Variants in RANBP2 observed in about 807,000 individuals in gnomAD.
RANBP2 encodes the protein RAN binding protein 2.
In RANBP2, 57 loss-of-function variants were observed where a neutral mutation model predicts 303.6. The observed-to-expected ratio is 0.19, with a 90% CI of 0.15 to 0.23. The LOEUF (loss-of-function observed/expected upper bound fraction) is 0.23, where lower values mean the gene tolerates loss of function less well. Ranked by LOEUF, RANBP2 falls within the 10% of genes least tolerant of loss-of-function variation. The pLI is 1.00. For missense variants in RANBP2, 3,138 were observed against 3,780.8 expected, an observed-to-expected ratio of 0.83 and a Z score of 4.46; for synonymous variants, 1,167 against 1,301.5, an observed-to-expected ratio of 0.90 and a Z score of 2.23.
chr2:109,224,190 G>A, the RANBP2 span, among the ~76,000 whole-genome samples: 9 of 152,204 alleles, frequency 5.9e-5, no homozygotes, highest in Admixed American at 5.9e-4. Flanking sequence ...GCAAATGGAG[G>A]GGGTGTGGGC....
At chr2:109,283,192 G>T in the RANBP2 span, among the ~76,000 whole-genome samples, 1 of 152,192 alleles carries the variant, frequency 6.6e-6, no homozygotes, top group Non-Finnish European at 1.5e-5. Context: ...CCTGGAGCAT[G>T]CCTCTGTTCG....
At chr2:109,224,394 A>G in the RANBP2 span, among the ~76,000 whole-genome samples, 1 of 152,222 alleles carries the variant, frequency 6.6e-6, no homozygotes, top group Non-Finnish European at 1.5e-5. Context: ...CCAAGATTAA[A>G]TCTGCATTTT....
At chr2:108,832,344 CTTTT>C in the RANBP2 span, among the ~76,000 whole-genome samples, 4 of 122,234 alleles carry the variant, frequency 3.3e-5, no homozygotes, top group African/African-American at 1.3e-4. Context: ...GTATTTCTTT[CTTTT>C]TTTTTTTTTT....
At chr2:108,897,418 AAG>A in the RANBP2 span, among the ~76,000 whole-genome samples, 31 of 152,306 alleles carry the variant, frequency 2.0e-4, no homozygotes, top group Admixed American at 1.9e-3. Flanking sequence ...TGCCAGCCAC[AAG>A]AGAGGGCTGT....
the RANBP2 span, among the ~76,000 whole-genome samples, chr2:108,877,499 G>A: frequency 2.0e-5 from 3 of 151,822 alleles, no homozygotes; most frequent in African/African-American, 4.8e-5. Flanking sequence ...AAATAAAAAC[G>A]CAGAAGCCAA....
the RANBP2 span, among the ~76,000 whole-genome samples, chr2:109,041,534 T>TTC: frequency 6.6e-6 from 1 of 151,278 alleles, no homozygotes; most frequent in East Asian, 1.9e-4. Context: ...AATTTTTTTT[T>TTC]TTTTTTGAGA....
chr2:109,449,183 A>C, the RANBP2 span: 1 of 1,613,590 alleles, frequency 6.2e-7, no homozygotes. Flanking sequence ...CCCACTCTGC[A>C]GCCCAGGCTC....
chr2:109,614,074 AC>A, the RANBP2 span: 2 of 1,211,414 alleles, frequency 1.7e-6, no homozygotes, highest in Non-Finnish European at 2.1e-6. Flanking sequence ...CACAGGAGCT[AC>A]CCTCGACGCC....
chr2:109,629,322 TATATATATATATATATATATATATATA>T, the RANBP2 span, among the ~76,000 whole-genome samples: 19 of 5,690 alleles, frequency 3.3e-3, no homozygotes, highest in African/African-American at 0.011. Context: ...TATATATATA[TATATATATATATATATATATATATATA>T]TATATATTTT....
chr2:109,145,772 C>G, the RANBP2 span, among the ~76,000 whole-genome samples: 15 of 152,290 alleles, frequency 9.8e-5, no homozygotes, highest in South Asian at 4.1e-4. Flanking sequence ...AACCCAGGAG[C>G]AGTATTGGTT....
At chr2:108,951,259 A>T in the RANBP2 span, among the ~76,000 whole-genome samples, 1,191 of 152,250 alleles carry the variant, frequency 7.8e-3, 9 homozygotes, top group South Asian at 0.029. Flanking sequence ...TCTGCATTTG[A>T]CCAGGCCAAT....
At chr2:109,175,070 A>G in the RANBP2 span, among the ~76,000 whole-genome samples, 1 of 150,558 alleles carries the variant, frequency 6.6e-6, no homozygotes, top group Non-Finnish European at 1.5e-5. Context: ...CCATATTTAA[A>G]TGATTTTGAG....
At chr2:109,146,287 C>T in the RANBP2 span, among the ~76,000 whole-genome samples, 29 of 152,148 alleles carry the variant, frequency 1.9e-4, no homozygotes, top group Admixed American at 6.5e-4. Flanking sequence ...CAGTAAAGGT[C>T]CCTGAAATGT....
the RANBP2 span, among the ~76,000 whole-genome samples, chr2:109,726,341 C>T: frequency 2.0e-5 from 3 of 151,920 alleles, no homozygotes; most frequent in South Asian, 2.1e-4. Context: ...ACTCTGGAGG[C>T]GGAGGTTGCA....
chr2:109,373,239 G>A, the RANBP2 span, among the ~76,000 whole-genome samples: 1 of 152,202 alleles, frequency 6.6e-6, no homozygotes, highest in African/African-American at 2.4e-5. Flanking sequence ...AGAACTTAAT[G>A]CGCGAATACC....
At chr2:109,119,315 A>G in the RANBP2 span, among the ~76,000 whole-genome samples, 24 of 152,366 alleles carry the variant, frequency 1.6e-4, no homozygotes, top group East Asian at 4.4e-3. Flanking sequence ...TCCGTGAAAC[A>G]GTCCCATTGC....
At chr2:109,687,522 C>G in the RANBP2 span, among the ~76,000 whole-genome samples, 2 of 152,128 alleles carry the variant, frequency 1.3e-5, no homozygotes, top group Admixed American at 6.5e-5. Flanking sequence ...TCTCGCACCA[C>G]AAGTTCAACC....
chr2:109,117,403 T>A, the RANBP2 span, among the ~76,000 whole-genome samples: 1 of 152,202 alleles, frequency 6.6e-6, no homozygotes, highest in Non-Finnish European at 1.5e-5. Context: ...GTGCTAGCAA[T>A]CAGCGAGACT....
At position 108,767,278 on chromosome 2, in the gene RANBP2, C is replaced by T. The variant is rs141067955; in HGVS notation, c.6739C>T (p.Pro2247Ser). The change falls in exon 20 of 29, where the codon CCA becomes TCA. Residue 2247 changes from proline to serine, a missense_variant. Physicochemically the swap from Pro to Ser is moderately conservative, Grantham distance 74. Coordinates refer to ENST00000283195, the MANE Select transcript of RANBP2 (RefSeq NM_006267.5). ...SVSSSSVHAS[P>S]LASSPVRKNL... ...CAGTAGTAGCTCAGTACATGCTTCT[C>T]CATTGGCAAGTAGCCCTGTGAGAAA... 151 of 1,612,054 alleles carry T rather than the reference C, an allele frequency of 9.4e-5. No individual in the cohort carries two copies. The African/African-American group carries it at 1.8e-3, about 20-fold the overall frequency.
Sources: allele counts gnomAD v4.1 joint callset (sites outside exome capture counted in the v4.1 genomes callset), GRCh38; gene constraint gnomAD v4.1.1; transcripts MANE v1.5; gene names NCBI Gene and HGNC (gene_info 2026-07-23, HGNC 2026-07-21).